PADI2: variants seen among roughly 807,000 people sequenced by gnomAD.
PADI2 encodes peptidyl arginine deiminase 2.
PADI2 carries 70 observed loss-of-function variants against 81.1 expected under a neutral mutation model. The observed-to-expected ratio is 0.86, with a 90% CI of 0.71 to 1.05. The LOEUF (loss-of-function observed/expected upper bound fraction) is 1.05. Among genes scored for constraint, PADI2 ranks in the 50% least tolerant of loss-of-function variants. PADI2 has a pLI of 0.00. For missense variants in PADI2, 853 were observed against 889.9 expected (o/e 0.96, Z 0.53); for synonymous variants, 338 against 358.0 (o/e 0.94, Z 0.63).
In PADI2 at chr1:17,076,270, A is replaced by G. The variant is rs563543924; in HGVS notation, c.1311-447T>C. Among the ~76,000 whole-genome samples the G allele has an allele frequency of 1.0e-3, 154 of 150,954 alleles. 1 individual carries two copies. Among genetic ancestry groups the G allele is most frequent in the African/African-American group, 3.5e-3 (143 of 41,026 alleles). ...TGCTATGTTGCCCAGGCTGGAGTAG[A>G]GTGGCATGATCTTGGTTCACTGCAA... On this transcript the variant is annotated intron_variant, in intron 11 of 15. Transcript: ENST00000375486.
rs372300113 is a variant in PADI2, at chr1:17,103,846, C to T, written c.277-787G>A. Among the ~76,000 whole-genome samples the T allele has an allele frequency of 9.3e-4, 137 of 148,016 alleles. 2 individuals carry two copies. The East Asian group carries it at 0.018, about 19-fold the overall frequency. ...AAAAAAAAAAAAAATTAGCTGGGCA[C>T]GATGGCAGGTGCCTGGAGTCCCAGC... On this transcript the variant is annotated intron_variant, in intron 2 of 15. Transcript: ENST00000375486.
In PADI2 at chr1:17,071,843, A is replaced by T. The variant is rs1570974187; in HGVS notation, c.1550-352T>A. On this transcript the variant is annotated intron_variant, in intron 13 of 15. Coordinates refer to ENST00000375486, the MANE Select transcript of PADI2 (RefSeq NM_007365.3). Reference sequence around the variant, plus strand: ...AAGGATGAGCAGCTGACCAGCATGAATGTGGCAGAAGCAGCATGGCCAAAG... The same window carrying T: ...AAGGATGAGCAGCTGACCAGCATGATTGTGGCAGAAGCAGCATGGCCAAAG... Among the ~76,000 whole-genome samples, 3 of 152,274 alleles carry T rather than the reference A, an allele frequency of 2.0e-5. 1 individual carries two copies. The East Asian group carries it at 5.8e-4, about 29-fold the overall frequency.
intron 1 of PADI2, among the ~76,000 whole-genome samples, chr1:17,112,640 G>A (rs1281083612): frequency 6.6e-6 from 1 of 152,166 alleles, no homozygotes; most frequent in East Asian, 1.9e-4. Flanking sequence ...GCTCGGCATG[G>A]TGGTGGCTGG....
At position 17,119,429 on chromosome 1, in the gene PADI2, A is replaced by T; in HGVS notation, c.-58T>A. On this transcript the variant is annotated 5_prime_UTR_variant, in exon 1 of 16. Transcript: ENST00000375486. This position sits in a 1 kb window ranked among gnomAD's most constrained non-coding sequence, Gnocchi z 4.8. Reference sequence around the variant, plus strand: ...CGGGGCGGCCGGGAGCACCTGCAGCAGGTGCGCCTTCTCCAGCAGCCTGCG... The same window carrying T: ...CGGGGCGGCCGGGAGCACCTGCAGCTGGTGCGCCTTCTCCAGCAGCCTGCG... The T allele has an allele frequency of 3.0e-6, 4 of 1,319,800 alleles. No individual in the cohort carries two copies. The South Asian group carries it at 4.0e-5, about 13-fold the overall frequency. 81.8% of individuals were successfully genotyped at this position (1,319,800 alleles called of 1,614,324 possible). A position where few individuals can be genotyped will look rare whatever the true frequency, so the allele number is the denominator to read the frequency against.
chr1:17,099,982 G>A (rs1385511063), intron 3 of PADI2, among the ~76,000 whole-genome samples: 1 of 152,132 alleles, frequency 6.6e-6, no homozygotes, highest in Non-Finnish European at 1.5e-5. Context: ...GGACCAGGGT[G>A]AGAGAGATTC....
At chr1:17,069,675 GTGTA>G (rs2078251168) in intron 15 of PADI2, among the ~76,000 whole-genome samples, 2 of 152,154 alleles carry the variant, frequency 1.3e-5, no homozygotes, top group Admixed American at 6.5e-5. Flanking sequence ...GTGCATGTGT[GTGTA>G]TATATGTGTC....
At position 17,104,880 on chromosome 1, in the gene PADI2, T is replaced by G. The variant is rs1329947298; in HGVS notation, c.274A>C (p.Lys92Gln). 1.9e-6 allele frequency: 3 copies of G among 1,568,956 alleles called. No homozygotes were observed. Among genetic ancestry groups the G allele is most frequent in the Non-Finnish European group, 2.6e-6 (3 of 1,155,378 alleles). Residue 92 changes from lysine to glutamine, a missense_variant and splice_region_variant, in exon 2 of 16, where the codon AAG becomes CAG. By Grantham distance (53) the Lys-to-Gln change is moderately conservative. Transcript: ENST00000375486. ...GGCTGGACTTCCCGCCGTGGTACCT[T>G]GTCACTGCTGGCCTCGGTGCTCGCC... is the stretch of plus-strand genomic sequence containing the variant. ...SQASTEASSD[K>Q]VTVNYYDEEG... is the part of the protein sequence containing the mutation.
chr1:17,074,823 G>A (rs748291869), intron 13 of PADI2, 33 bp downstream of exon 13: 35 of 1,431,098 alleles, frequency 2.4e-5, no homozygotes, highest in African/African-American at 8.4e-5. Context: ...CCTCCAGCTC[G>A]CCACTTCCTG....
chr1:17,098,046 C>CAT (rs1931004128), intron 3 of PADI2, among the ~76,000 whole-genome samples: 1 of 152,160 alleles, frequency 6.6e-6, no homozygotes, highest in Non-Finnish European at 1.5e-5. Flanking sequence ...ACCCCCACCC[C>CAT]CTAACGATAC....
chr1:17,102,760 G>GGGA (rs67391314), intron 3 of PADI2, among the ~76,000 whole-genome samples: 1 of 149,866 alleles, frequency 6.7e-6, no homozygotes, highest in Non-Finnish European at 1.5e-5. Flanking sequence ...TTGGGGGGGG[G>GGGA]TTGCTGATGG....
In PADI2 at chr1:17,078,469, G is replaced by A. The variant is rs183078880; in HGVS notation, c.1310+795C>T. 4.0e-3 allele frequency among the ~76,000 whole-genome samples: 614 copies of A among 152,210 alleles called. 4 individuals carry two copies. The highest frequency in any genetic ancestry group is 6.4e-3 in the Non-Finnish European group (438 of 68,026). ...GGCTGGAGTGCAGGGCATGATCTCA[G>A]CTCACTGCAACCTCTGGCTCCCAGG... On this transcript the variant is annotated intron_variant, in intron 11 of 15. Transcript: ENST00000375486.
chr1:17,102,640 TC>T (rs928544300), intron 3 of PADI2, among the ~76,000 whole-genome samples: 2 of 151,746 alleles, frequency 1.3e-5, no homozygotes, highest in Non-Finnish European at 1.5e-5. Flanking sequence ...GCCATTCCCC[TC>T]ACCATGAGAG....
intron 2 of PADI2, among the ~76,000 whole-genome samples, chr1:17,104,608 T>C (rs2101605708): frequency 6.6e-6 from 1 of 151,846 alleles, no homozygotes; most frequent in South Asian, 2.1e-4. Flanking sequence ...TAATCTTTTG[T>C]ATTTTTAGTA....
intron 1 of PADI2, among the ~76,000 whole-genome samples, chr1:17,109,196 C>A (rs1420481227): frequency 1.3e-5 from 2 of 151,752 alleles, no homozygotes; most frequent in Non-Finnish European, 2.9e-5. Flanking sequence ...ACCAGCCTGG[C>A]CAACATGGCA....
At chr1:17,079,447 T>G in intron 10 of PADI2, 32 bp from the exon 11 acceptor site, 1 of 1,592,472 alleles carries the variant, frequency 6.3e-7, no homozygotes, top group Non-Finnish European at 8.6e-7. Context: ...GCGTTAGTCT[T>G]CTGCAGCCAG....
chr1:17,069,340 T>A (rs1319729510), intron 15 of PADI2, 63 bp from the exon 16 acceptor site: 3 of 1,250,712 alleles, frequency 2.4e-6, no homozygotes, highest in Admixed American at 3.6e-5. Flanking sequence ...CACACATGCC[T>A]ATCCTAAGCT....
At position 17,093,681 on chromosome 1, in the gene PADI2, A is replaced by C. The variant is rs759081281; in HGVS notation, c.415T>G (p.Ser139Ala). The C allele has an allele frequency of 6.3e-7, 1 of 1,594,350 alleles. No homozygotes were observed. Among genetic ancestry groups the C allele is most frequent in the South Asian group, 1.1e-5 (1 of 90,592 alleles). The change falls in exon 5 of 16, where the codon TCC (serine) becomes GCC (alanine). Residue 139 changes from serine to alanine, a missense_variant. Physicochemically the swap from Ser to Ala is moderately conservative, Grantham distance 99 (BLOSUM62 1). Coordinates refer to ENST00000375486, the MANE Select transcript of PADI2 (RefSeq NM_007365.3). ...VVEKNNPKKA[S>A]WTWGPEGQGA... is the part of the protein sequence containing the mutation. The stretch of plus-strand genomic sequence containing the variant: ...TGGCCCTCGGGGCCCCAGGTCCAGG[A>C]TGCCTACAGTGGCAGGAAGAAAGGT...
chr1:17,076,980 G>A (rs1480329300), intron 11 of PADI2, among the ~76,000 whole-genome samples: 5 of 152,030 alleles, frequency 3.3e-5, no homozygotes, highest in African/African-American at 1.2e-4. Context: ...TTTCTGATCT[G>A]GCTCCTGGCC....
chr1:17,096,019 G>A (rs1410037823), intron 3 of PADI2, 49 bp from the exon 4 acceptor site: 4 of 1,466,368 alleles, frequency 2.7e-6, no homozygotes, highest in African/African-American at 1.4e-5. Context: ...AGGCAGGGCA[G>A]GGCAGGGGCA....
Sources: gnomAD v4.1 joint callset for allele counts (sites outside exome capture counted in the v4.1 genomes callset) on GRCh38, gnomAD v4.1.1 for gene constraint, Gnocchi (gnomAD v3.1) non-coding constraint, MANE v1.5 for transcripts, NCBI Gene and HGNC (gene_info 2026-07-23, HGNC 2026-07-21) for gene names.